The following IQCK variants were observed in gnomAD, a reference collection of about 807,000 sequenced individuals.
The protein encoded by IQCK is IQ domain-containing protein K.
In IQCK, 29 loss-of-function variants were observed where a neutral mutation model predicts 28.1. The observed-to-expected ratio is 1.03, with a 90% CI of 0.77 to 1.41. IQCK has a LOEUF of 1.41. Ranked by LOEUF, IQCK falls within the 40% of genes most tolerant of loss-of-function variation. The pLI is 0.00. For missense variants in IQCK, 359 were observed against 314.7 expected (o/e 1.14, Z -1.07); for synonymous variants, 113 against 115.1 (o/e 0.98, Z 0.12).
chr16:19,813,890 C>CT (rs1225139187), intron 7 of IQCK, among the ~76,000 whole-genome samples: 2 of 151,986 alleles, frequency 1.3e-5, no homozygotes, highest in Admixed American at 6.6e-5. Flanking sequence ...GTTTTTTACT[C>CT]TAAGTAATTT....
chr16:19,809,622 G>C (rs2055877187), intron 7 of IQCK, among the ~76,000 whole-genome samples: 1 of 152,250 alleles, frequency 6.6e-6, no homozygotes, highest in Admixed American at 6.5e-5. Context: ...GCCTTGCCTA[G>C]ATTCAAGAGA....
At chr16:19,822,975 C>A (rs575741787) in intron 7 of IQCK, among the ~76,000 whole-genome samples, 1 of 152,140 alleles carries the variant, frequency 6.6e-6, no homozygotes, top group Non-Finnish European at 1.5e-5. Flanking sequence ...GAAGAGGTGG[C>A]CCCTCTATCA....
At chr16:19,829,332 C>T (rs1409165898), downstream of IQCK, among the ~76,000 whole-genome samples, 1 of 150,862 alleles carries the variant, frequency 6.6e-6, no homozygotes, top group Non-Finnish European at 1.5e-5. Flanking sequence ...TCTGTACTTC[C>T]TATTCCTTTT....
At chr16:19,810,935 G>A (rs1010558740) in intron 7 of IQCK, among the ~76,000 whole-genome samples, 5 of 152,148 alleles carry the variant, frequency 3.3e-5, no homozygotes, top group African/African-American at 4.8e-5. Flanking sequence ...AAAGTACTAC[G>A]TAAAAGTCAG....
At chr16:19,730,707 G>T (rs980330158) in intron 2 of IQCK, among the ~76,000 whole-genome samples, 1 of 138,714 alleles carries the variant, frequency 7.2e-6, no homozygotes, top group Non-Finnish European at 1.5e-5. Flanking sequence ...TAGTTTCGGC[G>T]TTTGTCTGTC....
chr16:19,817,900 A>T (rs1421006127), intron 7 of IQCK, among the ~76,000 whole-genome samples: 1 of 152,234 alleles, frequency 6.6e-6, no homozygotes, highest in African/African-American at 2.4e-5. Context: ...TAAAGAAAGA[A>T]TTTGACTGTG....
chr16:19,831,786 T>A (rs2056235945), downstream of IQCK, among the ~76,000 whole-genome samples: 1 of 152,050 alleles, frequency 6.6e-6, no homozygotes. Context: ...GTTCATAGCT[T>A]AGAGCAACCT....
chr16:19,774,942 G>T (rs2055369352), intron 6 of IQCK, among the ~76,000 whole-genome samples: 1 of 152,072 alleles, frequency 6.6e-6, no homozygotes, highest in African/African-American at 2.4e-5. Flanking sequence ...AATTTTTAAG[G>T]CCGGGCGTGG....
intron 7 of IQCK, among the ~76,000 whole-genome samples, chr16:19,792,524 C>T (rs8050872): frequency 2.9e-4 from 33 of 112,950 alleles, no homozygotes; most frequent in African/African-American, 2.3e-3. Context: ...CTTGGGGCAG[C>T]TGGGAAAGAA....
Position 19,854,935 on chromosome 16 carries a change from T to C in IQCK, c.803-1552T>C, listed in dbSNP as rs190089169. Among the ~76,000 whole-genome samples the C allele has an allele frequency of 5.8e-4, 89 of 152,348 alleles. 1 individual carries two copies. Among genetic ancestry groups the C allele is most frequent in the Admixed American group, 5.4e-3 (83 of 15,302 alleles). ...AAATGGAATAAAAAAGGTATATACC[T>C]TGAAAAAATGTTTTAAAATGTCCTG... On this transcript the variant is annotated intron_variant, in intron 9 of 9. Coordinates refer to the IQCK transcript ENST00000320394.
chr16:19,822,067 C>CAAAAAAAAAAAAAAAAAAAAAAA (rs35060834), intron 7 of IQCK, among the ~76,000 whole-genome samples: 3 of 64,624 alleles, frequency 4.6e-5, no homozygotes, highest in Non-Finnish European at 6.4e-5. Flanking sequence ...GACCCTGTCT[C>CAAAAAAAAAAAAAAAAAAAAAAA]AAAAAAAAAA....
chr16:19,837,789 A>G (rs1380719231), intron 9 of IQCK, among the ~76,000 whole-genome samples: 1 of 152,214 alleles, frequency 6.6e-6, no homozygotes, highest in African/African-American at 2.4e-5. Flanking sequence ...AGAAAAAGTG[A>G]TTACATGGGT....
chr16:19,829,401 A>G (rs2056200463), downstream of IQCK, among the ~76,000 whole-genome samples: 1 of 151,358 alleles, frequency 6.6e-6, no homozygotes, highest in Admixed American at 6.6e-5. Context: ...CAGTGGCGCA[A>G]TCTCAGCTCA....
At chr16:19,793,893 T>C (rs1254983156) in intron 7 of IQCK, among the ~76,000 whole-genome samples, 1 of 13,962 alleles carries the variant, frequency 7.2e-5, no homozygotes, top group Non-Finnish European at 1.3e-4. Flanking sequence ...AACTCTTACA[T>C]TTATGGTCAA....
intron 9 of IQCK, among the ~76,000 whole-genome samples, chr16:19,849,365 T>G (rs976861282): frequency 6.6e-6 from 1 of 152,002 alleles, no homozygotes; most frequent in African/African-American, 2.4e-5. Flanking sequence ...GCAGTTACAC[T>G]TAAGTGATGT....
intron 1 of IQCK, among the ~76,000 whole-genome samples, chr16:19,724,949 G>A (rs887919832): frequency 2.6e-5 from 4 of 152,292 alleles, no homozygotes; most frequent in Non-Finnish European, 5.9e-5. Flanking sequence ...CATCCCAGAA[G>A]TTGAGGGGAG....
intron 6 of IQCK, among the ~76,000 whole-genome samples, chr16:19,783,250 C>T (rs891500494): frequency 5.3e-5 from 8 of 152,082 alleles, no homozygotes; most frequent in African/African-American, 1.9e-4. Context: ...CCACCCACCT[C>T]GGCCTACCAA....
At chr16:19,718,614 C>G (rs775780492) in intron 1 of IQCK, 127 bp downstream of exon 1, 5 of 845,696 alleles carry the variant, frequency 5.9e-6, no homozygotes, top group Non-Finnish European at 8.2e-6. Flanking sequence ...TCCGCGGGCC[C>G]GGGCTCCGCA....
chr16:19,824,226 T>A (rs188227053), intron 7 of IQCK, among the ~76,000 whole-genome samples: 143 of 152,140 alleles, frequency 9.4e-4, no homozygotes, highest in African/African-American at 3.3e-3. Context: ...TGGGGGGTGA[T>A]GGGAGATGGT....
Sources: allele counts gnomAD v4.1 joint callset (sites outside exome capture counted in the v4.1 genomes callset), GRCh38; gene constraint gnomAD v4.1.1; transcripts MANE v1.5; gene names NCBI Gene and HGNC (gene_info 2026-07-23, HGNC 2026-07-21).